Variants in SVIL observed in about 807,000 individuals in gnomAD.
SVIL encodes the protein supervillin, also known as archvillin.
A neutral mutation model predicts 240.4 loss-of-function variants in SVIL; 101 were observed. That is an observed-to-expected ratio of 0.42 (90% CI 0.36 to 0.50). The LOEUF (loss-of-function observed/expected upper bound fraction) is 0.50. SVIL is among the 20% of genes least tolerant of loss of function. SVIL has a pLI of 0.01. For synonymous variants in SVIL, 999 were observed against 1,100.0 expected, an observed-to-expected ratio of 0.91 and a Z score of 1.82; for missense variants, 2,512 against 2,818.7, an observed-to-expected ratio of 0.89 and a Z score of 2.46.
chr10:29,501,535 G>A (rs2132442243), intron 17 of SVIL, among the ~76,000 whole-genome samples: 1 of 152,214 alleles, frequency 6.6e-6, no homozygotes, highest in Admixed American at 6.5e-5. Context: ...GCGTATGAAA[G>A]TGCTCTGCCT....
intron 17 of SVIL, among the ~76,000 whole-genome samples, chr10:29,507,301 G>A (rs1278544905): frequency 6.6e-6 from 1 of 152,142 alleles, no homozygotes; most frequent in Non-Finnish European, 1.5e-5. Flanking sequence ...GAACATGGCT[G>A]CATCTCCTGG....
chr10:29,716,127 T>G (rs188617913), intron 1 of SVIL, among the ~76,000 whole-genome samples: 1 of 152,326 alleles, frequency 6.6e-6, no homozygotes, highest in East Asian at 1.9e-4. Flanking sequence ...TTGGTGTCAA[T>G]AAAGTGTTTC....
chr10:29,697,547 T>G (rs914207023), intron 1 of SVIL, among the ~76,000 whole-genome samples: 3 of 108,322 alleles, frequency 2.8e-5, no homozygotes, highest in African/African-American at 1.3e-4. Flanking sequence ...AAATATGTGC[T>G]GTGTCCACTC....
intron 1 of SVIL, among the ~76,000 whole-genome samples, chr10:29,599,434 G>C (rs919037593): frequency 8.6e-6 from 1 of 116,604 alleles, no homozygotes; most frequent in Non-Finnish European, 2.0e-5. Context: ...TTTTTTTTTT[G>C]AGACAGAGTC....
In SVIL at chr10:29,488,630, T is replaced by A. The variant is rs149858297; in HGVS notation, c.4319A>T (p.Tyr1440Phe). ...AATCTGCAACAGCATCAGCCTCTTG[T>A]AGGGCACGGCGCTGTTGTTAGAGTT... is the stretch of plus-strand genomic sequence containing the variant. ...EQNSNNSAVP[Y>F]KRLMLLQIKG... Residue 1440 changes from tyrosine (Y) to phenylalanine (F), a missense_variant, in exon 23 of 38, where the codon TAC (tyrosine) becomes TTC (phenylalanine). Tyr to Phe is a conservative substitution (Grantham distance 22). Around this residue, in one of 3 missense-constraint regions of SVIL, gnomAD observed 272 missense variants for 406.8 expected, o/e 0.67. Coordinates refer to ENST00000355867, the MANE Select transcript of SVIL (RefSeq NM_021738.3). 612 of 1,608,954 alleles carry A rather than the reference T, an allele frequency of 3.8e-4. 1 individual carries two copies. Among genetic ancestry groups the A allele is most frequent in the African/African-American group, 2.1e-3 (158 of 74,742 alleles).
intron 1 of SVIL, among the ~76,000 whole-genome samples, chr10:29,572,897 C>T (rs900447922): frequency 6.6e-6 from 1 of 152,070 alleles, no homozygotes; most frequent in Non-Finnish European, 1.5e-5. Context: ...AGTATCACTG[C>T]TCATCACCCT....
Position 29,517,192 on chromosome 10 carries a change from G to A in SVIL, c.3390-4331C>T, listed in dbSNP as rs113958966. Among the ~76,000 whole-genome samples the A allele has an allele frequency of 4.7e-3, 718 of 152,086 alleles. 5 individuals carry two copies. Among genetic ancestry groups the A allele is most frequent in the African/African-American group, 0.016 (645 of 41,478 alleles). Reference sequence around the variant, plus strand: ...TTTGGAAGGCTGAGGTGGGAGGATCGCTTGAGGCCAGGAGGTGGGAGACCA... The same window carrying A: ...TTTGGAAGGCTGAGGTGGGAGGATCACTTGAGGCCAGGAGGTGGGAGACCA... On this transcript the variant is annotated intron_variant, in intron 16 of 37. Coordinates refer to ENST00000355867, the MANE Select transcript of SVIL (RefSeq NM_021738.3).
At chr10:29,716,796 G>A (rs1963637216) in intron 1 of SVIL, among the ~76,000 whole-genome samples, 1 of 152,198 alleles carries the variant, frequency 6.6e-6, no homozygotes, top group Non-Finnish European at 1.5e-5. Flanking sequence ...AACCAGAAAT[G>A]ATTGATCATG....
At chr10:29,485,930 A>G (rs1947347763) in intron 26 of SVIL, among the ~76,000 whole-genome samples, 155 bp downstream of exon 26, 1 of 152,262 alleles carries the variant, frequency 6.6e-6, no homozygotes, top group Non-Finnish European at 1.5e-5. Context: ...ATGGTTTGAA[A>G]TCACAAATAT....
At chr10:29,726,476 G>A (rs1446647192) in intron 1 of SVIL, among the ~76,000 whole-genome samples, 1 of 152,146 alleles carries the variant, frequency 6.6e-6, no homozygotes, top group African/African-American at 2.4e-5. Flanking sequence ...GCCGGGCACG[G>A]TGGCTCATGC....
chr10:29,599,236 C>T (rs913198717), intron 1 of SVIL, among the ~76,000 whole-genome samples: 2 of 152,202 alleles, frequency 1.3e-5, no homozygotes, highest in Non-Finnish European at 2.9e-5. Flanking sequence ...GAACCTCAGC[C>T]TGACACGCAG....
rs544329502 is a variant in SVIL, at chr10:29,505,939, G to A, written c.3517-6676C>T. Among the ~76,000 whole-genome samples, 185 of 152,294 alleles carry A rather than the reference G, an allele frequency of 1.2e-3. 2 individuals are homozygous for A. In the South Asian group the frequency reaches 0.019, roughly 15 times the overall value. On this transcript the variant is annotated intron_variant, in intron 17 of 37. Coordinates refer to ENST00000355867, the MANE Select transcript of SVIL (RefSeq NM_021738.3). Reference sequence around the variant, plus strand: ...ATCCACAGATGCTCAAGTCCCTGATGTAAAATGGGGTAGGATTTGCACACA... The same window carrying A: ...ATCCACAGATGCTCAAGTCCCTGATATAAAATGGGGTAGGATTTGCACACA...
intron 1 of SVIL, among the ~76,000 whole-genome samples, chr10:29,733,009 C>T (rs1564372318): frequency 6.6e-6 from 1 of 152,116 alleles, no homozygotes; most frequent in Non-Finnish European, 1.5e-5. Flanking sequence ...CTTGTAAACT[C>T]CTTGGGCGAC....
Position 29,523,650 on chromosome 10 carries a change from A to T in SVIL, c.2964T>A (p.His988Gln). 1 of 1,614,018 alleles carries T rather than the reference A, an allele frequency of 6.2e-7. No individual in the cohort carries two copies. Among genetic ancestry groups the T allele is most frequent in the Non-Finnish European group, 8.5e-7 (1 of 1,179,980 alleles). ...TGGGAACAGCATATTTAGATTCCTT[A>T]TGGCTGTCTCCTTCCCTGGCTCGGT... ...ILNRAREGDS[H>Q]KESKYAVPRR... Residue 988 changes from histidine (H) to glutamine (Q), a missense_variant, in exon 15 of 38, where the codon CAT becomes CAA. Coordinates refer to ENST00000355867, the MANE Select transcript of SVIL (RefSeq NM_021738.3).
intron 3 of SVIL, among the ~76,000 whole-genome samples, chr10:29,559,004 A>G (rs1000286718): frequency 6.7e-6 from 1 of 149,222 alleles, no homozygotes; most frequent in African/African-American, 2.4e-5. Flanking sequence ...GTTTTATATT[A>G]TTTTATATTA....
At chr10:29,682,608 G>A (rs1168252710) in intron 2 of SVIL, among the ~76,000 whole-genome samples, 1 of 152,140 alleles carries the variant, frequency 6.6e-6, no homozygotes, top group Non-Finnish European at 1.5e-5. Context: ...AATGAAACAT[G>A]CAAAGGACAA....
chr10:29,500,056 A>G (rs1316649809), intron 17 of SVIL, among the ~76,000 whole-genome samples: 1 of 152,120 alleles, frequency 6.6e-6, no homozygotes, highest in African/African-American at 2.4e-5. Flanking sequence ...GGAAGAAGCT[A>G]CAGGGGACTC....
intron 1 of SVIL, among the ~76,000 whole-genome samples, chr10:29,616,790 T>C (rs1039870490): frequency 6.6e-6 from 1 of 152,208 alleles, no homozygotes; most frequent in Non-Finnish European, 1.5e-5. Context: ...TGGCGTGATC[T>C]CTGCTCACTG....
chr10:29,551,070 C>G lies in SVIL; in HGVS notation c.354G>C (p.Glu118Asp), dbSNP rs150994916. The change falls in exon 6 of 38, where the codon GAG becomes GAC. Residue 118 changes from glutamate to aspartate, a missense_variant. By Grantham distance (45) the Glu-to-Asp change is conservative (BLOSUM62 2). Around this residue, in one of 3 missense-constraint regions of SVIL, gnomAD observed 1,443 missense variants for 1,486.6 expected, o/e 0.97. Transcript: ENST00000355867. ...YKAERRRQLA[E>D]KYGLTLDPEA... ...CGGGATCCAGAGTCAGCCCATACTT[C>G]TCTGCCAGCTGTCGCCTTCTTTCTG... The G allele has an allele frequency of 4.7e-5, 76 of 1,614,066 alleles. No individual in the cohort carries two copies. The highest frequency in any genetic ancestry group is 6.3e-5 in the Non-Finnish European group (74 of 1,180,030).
Sources: allele counts gnomAD v4.1 joint callset (sites outside exome capture counted in the v4.1 genomes callset), GRCh38; gene constraint gnomAD v4.1.1; regional missense constraint gnomAD v4.1.1; transcripts MANE v1.5; gene names NCBI Gene and HGNC (gene_info 2026-07-23, HGNC 2026-07-21).